The following GABPB2 variants were observed in gnomAD, a reference collection of about 807,000 sequenced individuals.
GABPB2 encodes the protein GA binding protein transcription factor subunit beta 2, also known as GA-binding protein subunit beta-2.
In GABPB2, 23 loss-of-function variants were observed where a neutral mutation model predicts 39.1. The observed-to-expected ratio is 0.59, with a 90% CI of 0.42 to 0.83. The LOEUF (loss-of-function observed/expected upper bound fraction) is 0.83. Ranked by LOEUF, GABPB2 falls within the 40% of genes least tolerant of loss-of-function variation. The probability of loss-of-function intolerance (pLI) is 0.00; values close to 1 mark genes in which losing one functional copy is unlikely to be tolerated. For synonymous variants in GABPB2, 184 were observed against 199.3 expected (o/e 0.92, Z 0.65); for missense variants, 467 against 541.1 (o/e 0.86, Z 1.36).
Position 151,118,540 on chromosome 1 carries a change from ATT to A in GABPB2, c.*295_*296del, listed in dbSNP as rs757004156. On this transcript the variant is annotated 3_prime_UTR_variant, in exon 9 of 9. Transcript: ENST00000368918. ...AAAGAATACTGCATGTTGTGGGTTGATTTTTTTTTTTTAAATAACTGACTTTC... is the reference window on the plus strand; with the variant it reads ...AAAGAATACTGCATGTTGTGGGTTGATTTTTTTTTTAAATAACTGACTTTC... 2.4e-4 allele frequency: 61 copies of A among 256,402 alleles called. No individual in the cohort carries two copies. Among genetic ancestry groups the A allele is most frequent in the Middle Eastern group, 1.2e-3 (1 of 842 alleles). 15.9% of individuals were successfully genotyped at this position (256,402 alleles called of 1,614,324 possible).
At chr1:151,099,884 T>C (rs1679381244) in intron 5 of GABPB2, among the ~76,000 whole-genome samples, 1 of 152,244 alleles carries the variant, frequency 6.6e-6, no homozygotes, top group African/African-American at 2.4e-5. Flanking sequence ...TGAGAATTTG[T>C]ATTTCAAGGT....
chr1:151,090,006 C>A (rs1279677604), intron 2 of GABPB2, among the ~76,000 whole-genome samples: 1 of 150,866 alleles, frequency 6.6e-6, no homozygotes, highest in African/African-American at 2.4e-5. Context: ...GGCACAATCT[C>A]AGCTCACTGC....
chr1:151,107,884 G>A (rs951454594), intron 7 of GABPB2, among the ~76,000 whole-genome samples: 2 of 151,848 alleles, frequency 1.3e-5, no homozygotes, highest in African/African-American at 4.8e-5. Flanking sequence ...GTACTGAGCC[G>A]TGATTGTGCT....
chr1:151,110,087 C>A (rs944313708), intron 7 of GABPB2, among the ~76,000 whole-genome samples: 6 of 132,490 alleles, frequency 4.5e-5, no homozygotes, highest in Non-Finnish European at 7.7e-5. Context: ...GTCACTAGCT[C>A]CTGAACTCAA....
At chr1:151,088,128 T>C in intron 1 of GABPB2, 62 bp from the exon 2 acceptor site, 3 of 1,148,888 alleles carry the variant, frequency 2.6e-6, no homozygotes, top group South Asian at 2.5e-5. Flanking sequence ...AAAAAATGTA[T>C]TGGCGGCTTT....
chr1:151,101,008 G>A (rs1178182253), intron 5 of GABPB2, among the ~76,000 whole-genome samples: 1 of 152,028 alleles, frequency 6.6e-6, no homozygotes, highest in Non-Finnish European at 1.5e-5. Flanking sequence ...ACTTTGGGAG[G>A]CTGAGGCAGG....
chr1:151,112,956 T>G (rs1680576367), intron 7 of GABPB2, among the ~76,000 whole-genome samples: 1 of 151,520 alleles, frequency 6.6e-6, no homozygotes, highest in South Asian at 2.1e-4. Context: ...TTTTTTGTAT[T>G]TTAGTAGAGA....
intron 5 of GABPB2, among the ~76,000 whole-genome samples, chr1:151,099,571 C>T (rs1410802337): frequency 3.9e-5 from 6 of 152,024 alleles, no homozygotes; most frequent in Non-Finnish European, 8.8e-5. Context: ...ATAAATTTTC[C>T]AGTTGACTAT....
At chr1:151,116,297 A>G (rs1186880018) in intron 7 of GABPB2, among the ~76,000 whole-genome samples, 4 of 150,984 alleles carry the variant, frequency 2.6e-5, no homozygotes, top group African/African-American at 9.7e-5. Flanking sequence ...AGGCTGAGGC[A>G]GGAGATCACT....
At chr1:151,071,672 A>G (rs1055051546) in intron 1 of GABPB2, among the ~76,000 whole-genome samples, 1 of 152,076 alleles carries the variant, frequency 6.6e-6, no homozygotes, top group Non-Finnish European at 1.5e-5. Context: ...GGGTTTCACC[A>G]TGTTAGCCAG....
intron 4 of GABPB2, among the ~76,000 whole-genome samples, chr1:151,097,112 A>T (rs1679150057): frequency 6.6e-6 from 1 of 151,980 alleles, no homozygotes; most frequent in Non-Finnish European, 1.5e-5. Flanking sequence ...GGGTTTCACC[A>T]TGTTGGCCAA....
intron 4 of GABPB2, among the ~76,000 whole-genome samples, chr1:151,096,034 CAAAAA>C (rs11307389): frequency 7.4e-5 from 8 of 107,524 alleles, no homozygotes; most frequent in Middle Eastern, 4.0e-3. Context: ...GTGAGACTCT[CAAAAA>C]AAAAAAAAAA....
At chr1:151,086,286 A>G (rs942696503) in intron 1 of GABPB2, among the ~76,000 whole-genome samples, 2 of 152,070 alleles carry the variant, frequency 1.3e-5, no homozygotes, top group African/African-American at 4.8e-5. Context: ...CCATTTTGTC[A>G]CACATAAATT....
rs1180200852 is a variant in GABPB2 at position 151,115,767 on chromosome 1, A to G, written c.923-1625A>G. Among the ~76,000 whole-genome samples the G allele has an allele frequency of 2.6e-5, 4 of 152,156 alleles. No individual in the cohort carries two copies. In the East Asian group the frequency reaches 7.7e-4, roughly 29 times the overall value. On this transcript the variant is annotated intron_variant, in intron 7 of 8. Transcript: ENST00000368918. Reference sequence around the variant, plus strand: ...CCCACCAGCAATTTATGAATAATCCAGTATGTCTACATCCTCTCCAGCATT... The same window carrying G: ...CCCACCAGCAATTTATGAATAATCCGGTATGTCTACATCCTCTCCAGCATT...
Position 151,124,081 on chromosome 1 carries a change from G to A in GABPB2, c.*5825G>A, listed in dbSNP as rs147664112. On this transcript the variant is annotated 3_prime_UTR_variant, in exon 9 of 9. Transcript: ENST00000368918. ...AAAAAAAAAAAAAGAGGCCGGGCGC[G>A]GTGGCTCACAAAAAAAAAAAAAAGA... 5 of 114,026 alleles carry A rather than the reference G, an allele frequency of 4.4e-5. No individual in the cohort carries two copies. The highest frequency in any genetic ancestry group is 5.9e-5 in the African/African-American group (2 of 33,730). 7.1% of individuals were successfully genotyped at this position (114,026 alleles called of 1,614,324 possible).
chr1:151,102,898 C>T (rs1460486517), intron 5 of GABPB2, among the ~76,000 whole-genome samples: 1 of 152,148 alleles, frequency 6.6e-6, no homozygotes, highest in African/African-American at 2.4e-5. Context: ...GCATTTTACA[C>T]TTACTGCCTG....
chr1:151,098,528 G>T (rs1236699668), intron 5 of GABPB2, among the ~76,000 whole-genome samples: 1 of 150,266 alleles, frequency 6.7e-6, no homozygotes, highest in Non-Finnish European at 1.5e-5. Context: ...GGAAAATATT[G>T]TACAGATTAA....
At chr1:151,088,510 A>G in intron 2 of GABPB2, 1 of 1,200,860 alleles carries the variant, frequency 8.3e-7, no homozygotes, top group South Asian at 1.4e-5. Flanking sequence ...ATAGGTGATA[A>G]TTGTAAGGTA....
Position 151,073,649 on chromosome 1 carries a change from C to T in GABPB2, c.-1+2715C>T, listed in dbSNP as rs114339354. On this transcript the variant is annotated intron_variant, in intron 1 of 8. Transcript: ENST00000368918. ...TTGAGAAAGTAAAGGAAGGCCGGCGCGGTGGCTCATCCCCGTAATCCCAGC... is the reference window on the plus strand; with the variant it reads ...TTGAGAAAGTAAAGGAAGGCCGGCGTGGTGGCTCATCCCCGTAATCCCAGC... Among the ~76,000 whole-genome samples the T allele has an allele frequency of 4.5e-3, 692 of 152,204 alleles. 6 individuals are homozygous for T. The highest frequency in any genetic ancestry group is 0.016 in the African/African-American group (657 of 41,532).
Sources: gnomAD v4.1 joint callset for allele counts (sites outside exome capture counted in the v4.1 genomes callset) on GRCh38, gnomAD v4.1.1 for gene constraint, MANE v1.5 for transcripts, NCBI Gene and HGNC (gene_info 2026-07-23, HGNC 2026-07-21) for gene names.